ANKRD30BL: variants seen among roughly 807,000 people sequenced by gnomAD.
ANKRD30BL encodes the protein putative ankyrin repeat domain-containing protein 30B-like.
A neutral mutation model predicts 18.4 loss-of-function variants in ANKRD30BL; 20 were observed. The observed-to-expected ratio is 1.09, with a 90% CI of 0.77 to 1.58. The LOEUF is 1.58. ANKRD30BL is among the 40% of genes most tolerant of loss of function. The pLI is 0.00. For missense variants in ANKRD30BL, 224 were observed against 268.6 expected (o/e 0.83, Z 1.16); for synonymous variants, 72 against 100.9 (o/e 0.71, Z 1.72).
chr2:132,219,530 T>C (rs900386570), intron 1 of ANKRD30BL, among the ~76,000 whole-genome samples: 1 of 151,828 alleles, frequency 6.6e-6, no homozygotes, highest in African/African-American at 2.4e-5. Context: ...CATCTTGTGA[T>C]GTTTGCCTTC....
chr2:132,152,324 A>T (rs1214406063), intron 4 of ANKRD30BL: 1 of 152,180 alleles, frequency 6.6e-6, no homozygotes, highest in Admixed American at 6.5e-5. Flanking sequence ...TTTTAATTTT[A>T]CTATATGTAC....
intron 1 of ANKRD30BL, among the ~76,000 whole-genome samples, chr2:132,255,498 C>T (rs1680805385): frequency 6.6e-6 from 1 of 151,136 alleles, no homozygotes; most frequent in Admixed American, 6.6e-5. Context: ...GCTAGCCCAC[C>T]CGCTCCCAAG....
chr2:132,228,294 C>T (rs1679901170), intron 1 of ANKRD30BL, among the ~76,000 whole-genome samples: 1 of 151,144 alleles, frequency 6.6e-6, no homozygotes, highest in Admixed American at 6.6e-5. Flanking sequence ...TTCGGAGAAG[C>T]TTCTTTGGAT....
chr2:132,248,030 C>A (rs1038784121), intron 1 of ANKRD30BL, among the ~76,000 whole-genome samples: 1 of 152,050 alleles, frequency 6.6e-6, no homozygotes, highest in African/African-American at 2.4e-5. Flanking sequence ...AAAGGTTCAA[C>A]TCTGATCAAG....
At chr2:132,193,930 T>G (rs1298694292) in intron 1 of ANKRD30BL, among the ~76,000 whole-genome samples, 4 of 151,814 alleles carry the variant, frequency 2.6e-5, no homozygotes, top group Admixed American at 2.6e-4. Context: ...TTAGGTCCAG[T>G]AACCAAAAGA....
At chr2:132,237,241 A>C (rs1558732227) in intron 1 of ANKRD30BL, among the ~76,000 whole-genome samples, 1 of 152,020 alleles carries the variant, frequency 6.6e-6, no homozygotes, top group Non-Finnish European at 1.5e-5. Flanking sequence ...TAACCTGCAC[A>C]ATGTGCACAT....
chr2:132,162,259 T>G (rs927228772), upstream of ANKRD30BL, among the ~76,000 whole-genome samples: 1 of 152,170 alleles, frequency 6.6e-6, no homozygotes, highest in African/African-American at 2.4e-5. Flanking sequence ...ATCCCTGACT[T>G]AGGCGCCTGG....
chr2:132,226,100 C>A lies in ANKRD30BL; in HGVS notation n.441+31429G>T, dbSNP rs542230391. On this transcript the variant is annotated intron_variant and non_coding_transcript_variant, in intron 1 of 4. Transcript: ENST00000470729. ...GGGTTGGACATACTTTATCATAGAG[C>A]AGTTATGAAACACTCTTTTAGTGGA... Among the ~76,000 whole-genome samples the A allele has an allele frequency of 9.9e-5, 15 of 152,080 alleles. No individual in the cohort carries two copies. The East Asian group carries it at 2.9e-3, about 29-fold the overall frequency.
intron 1 of ANKRD30BL, among the ~76,000 whole-genome samples, chr2:132,228,243 A>T (rs1394660480): frequency 4.2e-5 from 6 of 143,624 alleles, no homozygotes; most frequent in East Asian, 2.2e-4. Context: ...AGGCCTGTGG[A>T]GGAAAAGGAA....
upstream of ANKRD30BL, among the ~76,000 whole-genome samples, chr2:132,165,138 T>C (rs1474196910): frequency 6.6e-6 from 1 of 152,106 alleles, no homozygotes; most frequent in Non-Finnish European, 1.5e-5. Context: ...TGTGGTATCA[T>C]ACAGAATACT....
chr2:132,192,753 G>A (rs1176712715), intron 1 of ANKRD30BL, among the ~76,000 whole-genome samples: 1 of 152,158 alleles, frequency 6.6e-6, no homozygotes, highest in Admixed American at 6.5e-5. Context: ...AGGGAGAAAG[G>A]GGCAATCTCT....
At chr2:132,198,223 G>C (rs1573832766) in intron 1 of ANKRD30BL, among the ~76,000 whole-genome samples, 4 of 148,992 alleles carry the variant, frequency 2.7e-5, no homozygotes, top group African/African-American at 9.9e-5. Context: ...AAGATGCTTA[G>C]TCTCTCTTTT....
intron 1 of ANKRD30BL, among the ~76,000 whole-genome samples, chr2:132,191,121 A>G (rs1678841728): frequency 6.6e-6 from 1 of 152,254 alleles, no homozygotes; most frequent in African/African-American, 2.4e-5. Flanking sequence ...GGCTCCAAGC[A>G]GCCATTGATC....
At chr2:132,214,872 C>A (rs368102743) in intron 1 of ANKRD30BL, among the ~76,000 whole-genome samples, 10 of 150,088 alleles carry the variant, frequency 6.7e-5, no homozygotes, top group East Asian at 2.0e-4. Flanking sequence ...GCTTTCTGAG[C>A]AACTTCTTTG....
intron 4 of ANKRD30BL, among the ~76,000 whole-genome samples, chr2:132,151,776 T>C (rs1242465029): frequency 6.6e-6 from 1 of 152,058 alleles, no homozygotes; most frequent in African/African-American, 2.4e-5. Flanking sequence ...GAAATATATT[T>C]ATAAATATAT....
At chr2:132,179,987 A>AG (rs1688434932) in intron 1 of ANKRD30BL, among the ~76,000 whole-genome samples, 1 of 152,358 alleles carries the variant, frequency 6.6e-6, no homozygotes, top group Admixed American at 6.5e-5. Context: ...GGTCAAAAAA[A>AG]GTATATTAAA....
At chr2:132,153,114 C>T (rs112210687) in intron 4 of ANKRD30BL, among the ~76,000 whole-genome samples, 198 of 152,268 alleles carry the variant, frequency 1.3e-3, no homozygotes, top group African/African-American at 4.5e-3. Flanking sequence ...GCAATAGAAT[C>T]AATGGAAACA....
chr2:132,254,298 C>T (rs1250363047), intron 1 of ANKRD30BL, among the ~76,000 whole-genome samples: 1 of 152,200 alleles, frequency 6.6e-6, no homozygotes, highest in Non-Finnish European at 1.5e-5. Flanking sequence ...ACACGGTCAG[C>T]CAAGGAGGAA....
At chr2:132,180,457 A>T (rs1688441769) in intron 1 of ANKRD30BL, among the ~76,000 whole-genome samples, 1 of 152,188 alleles carries the variant, frequency 6.6e-6, no homozygotes, top group Non-Finnish European at 1.5e-5. Context: ...ATATTTCTCC[A>T]AATTTATTCC....
Sources: gnomAD v4.1 joint callset for allele counts (sites outside exome capture counted in the v4.1 genomes callset) on GRCh38, gnomAD v4.1.1 for gene constraint, MANE v1.5 for transcripts, NCBI Gene and HGNC (gene_info 2026-07-23, HGNC 2026-07-21) for gene names.